The following SPON1 variants were observed in gnomAD, a reference collection of about 807,000 sequenced individuals.
SPON1 encodes spondin-1.
SPON1 carries 52 observed loss-of-function variants against 111.7 expected under a neutral mutation model. The ratio of observed to expected loss-of-function variants is 0.47; its 90% CI spans 0.37 to 0.59. The LOEUF is 0.59. SPON1 is among the 20% of genes least tolerant of loss of function. The pLI is 0.00. For synonymous variants in SPON1, 410 were observed against 395.8 expected, an observed-to-expected ratio of 1.04 and a Z score of -0.43; for missense variants, 957 against 1,068.5, an observed-to-expected ratio of 0.90 and a Z score of 1.46.
chr11:14,173,874 G>T (rs1554932805), intron 6 of SPON1, among the ~76,000 whole-genome samples: 22 of 149,676 alleles, frequency 1.5e-4, no homozygotes, highest in Admixed American at 1.4e-3. Context: ...AGGAGCACCT[G>T]GCCGTGTGAG....
At chr11:14,112,105 A>AG (rs1353002040) in intron 5 of SPON1, among the ~76,000 whole-genome samples, 12 of 150,888 alleles carry the variant, frequency 8.0e-5, no homozygotes, top group African/African-American at 1.7e-4. Flanking sequence ...CAAAATTTGC[A>AG]GGGGAAAAAA....
chr11:14,193,614 C>T (rs1459158469), intron 6 of SPON1, among the ~76,000 whole-genome samples: 2 of 152,164 alleles, frequency 1.3e-5, no homozygotes, highest in Non-Finnish European at 2.9e-5. Context: ...AAGAGGGTCT[C>T]CTTTAGTGTC....
intron 2 of SPON1, among the ~76,000 whole-genome samples, chr11:14,040,557 A>G (rs1170352783): frequency 6.6e-6 from 1 of 152,208 alleles, no homozygotes; most frequent in African/African-American, 2.4e-5. Flanking sequence ...ATGATAAACT[A>G]TGGAGTTTGA....
intron 5 of SPON1, among the ~76,000 whole-genome samples, chr11:14,104,103 C>A: frequency 6.6e-6 from 1 of 151,788 alleles, no homozygotes; most frequent in East Asian, 1.9e-4. Context: ...ATTAGTAGAC[C>A]TTTTTAGTGA....
Position 14,105,723 on chromosome 11 carries a change from C to CT in SPON1, c.676+25705dup. 1.3e-5 allele frequency among the ~76,000 whole-genome samples: 2 copies of CT among 152,174 alleles called. 1 individual carries two copies. The highest frequency in any genetic ancestry group is 1.3e-4 in the Admixed American group (2 of 15,282). On this transcript the variant is annotated intron_variant, in intron 5 of 15. Transcript: ENST00000576479. ...ATGATATGGCTGCTATTTCTGAAAC[C>CT]TTTGCTTCAGACTGTTTTATTCACA...
At chr11:13,978,032 A>G (rs1848115683) in intron 1 of SPON1, among the ~76,000 whole-genome samples, 1 of 151,648 alleles carries the variant, frequency 6.6e-6, no homozygotes, top group Non-Finnish European at 1.5e-5. Flanking sequence ...TTTTGCACCA[A>G]CCTAATACAT....
At chr11:14,257,502 T>G (rs782305519) in intron 10 of SPON1, among the ~76,000 whole-genome samples, 2 of 152,210 alleles carry the variant, frequency 1.3e-5, no homozygotes, top group Non-Finnish European at 2.9e-5. Flanking sequence ...ATAAGAATCA[T>G]TCTGCTTATT....
At chr11:14,078,319 G>GATAA (rs1335472360) in intron 4 of SPON1, among the ~76,000 whole-genome samples, 3 of 152,172 alleles carry the variant, frequency 2.0e-5, no homozygotes. Context: ...AAGCCCTTTT[G>GATAA]ATAAGGCAAA....
At chr11:14,187,038 G>T (rs1187880594) in intron 6 of SPON1, among the ~76,000 whole-genome samples, 2 of 152,312 alleles carry the variant, frequency 1.3e-5, no homozygotes, top group Admixed American at 1.3e-4. Flanking sequence ...TACGAGCACA[G>T]CACTGGCATC....
rs1591342671 is a variant in SPON1 at position 13,990,937 on chromosome 11, A to G, written c.345+7984A>G. Among the ~76,000 whole-genome samples, 2 of 152,268 alleles carry G rather than the reference A, an allele frequency of 1.3e-5. 1 individual carries two copies. Among genetic ancestry groups the G allele is most frequent in the East Asian group, 3.9e-4 (2 of 5,182 alleles). On this transcript the variant is annotated intron_variant, in intron 2 of 15. Transcript: ENST00000576479. ...TGGCTTATAGGGTTTCTGCAGAGAG[A>G]TCTGCTATTAGTCTGATGGGCTTCC...
At chr11:14,041,712 AGGG>A in intron 3 of SPON1, 58 bp downstream of exon 3, 1 of 1,574,210 alleles carries the variant, frequency 6.4e-7, no homozygotes, top group African/African-American at 1.4e-5. Flanking sequence ...GTGTGATTGC[AGGG>A]AAAAAAAAAA....
At chr11:14,202,534 C>T (rs1848475111) in intron 6 of SPON1, among the ~76,000 whole-genome samples, 1 of 152,074 alleles carries the variant, frequency 6.6e-6, no homozygotes, top group African/African-American at 2.4e-5. Flanking sequence ...GCCTTCTGGC[C>T]CAGATTCAGT....
intron 3 of SPON1, among the ~76,000 whole-genome samples, chr11:14,056,611 C>T (rs1554919203): frequency 6.6e-6 from 1 of 152,088 alleles, no homozygotes; most frequent in Admixed American, 6.6e-5. Flanking sequence ...AATATAACAT[C>T]GGCTGGGCAC....
intron 2 of SPON1, among the ~76,000 whole-genome samples, chr11:13,996,134 G>A (rs1848270393): frequency 6.6e-6 from 1 of 151,718 alleles, no homozygotes; most frequent in African/African-American, 2.4e-5. Context: ...TCTTTAACAA[G>A]CACCTAGAGC....
At chr11:14,003,645 AT>A (rs1554912741) in intron 2 of SPON1, among the ~76,000 whole-genome samples, 17 of 152,300 alleles carry the variant, frequency 1.1e-4, no homozygotes, top group African/African-American at 3.8e-4. Context: ...AGGGACCTAC[AT>A]AAGCACTATT....
intron 2 of SPON1, among the ~76,000 whole-genome samples, chr11:14,038,481 C>T (rs1848610585): frequency 6.6e-6 from 1 of 151,800 alleles, no homozygotes; most frequent in Admixed American, 6.6e-5. Flanking sequence ...AAAAACAAAA[C>T]AAAACAAAAC....
At chr11:13,989,957 T>TACTTCC (rs759721458) in intron 2 of SPON1, among the ~76,000 whole-genome samples, 86 of 152,342 alleles carry the variant, frequency 5.6e-4, no homozygotes, top group Non-Finnish European at 1.2e-3. Context: ...AGGAGTGTTT[T>TACTTCC]ACTTCCAATT....
chr11:14,052,450 C>G (rs1323439826), intron 3 of SPON1, among the ~76,000 whole-genome samples: 1 of 152,170 alleles, frequency 6.6e-6, no homozygotes, highest in Non-Finnish European at 1.5e-5. Flanking sequence ...GCAAGAGGAA[C>G]TACAGGCTCC....
intron 1 of SPON1, among the ~76,000 whole-genome samples, chr11:13,981,515 A>T (rs1302184112): frequency 2.6e-5 from 4 of 152,098 alleles, no homozygotes; most frequent in Non-Finnish European, 5.9e-5. Flanking sequence ...TTTAGTAGAG[A>T]CGGGGTTTCA....
Sources: gnomAD v4.1 joint callset for allele counts (sites outside exome capture counted in the v4.1 genomes callset) on GRCh38, gnomAD v4.1.1 for gene constraint, MANE v1.5 for transcripts, NCBI Gene and HGNC (gene_info 2026-07-23, HGNC 2026-07-21) for gene names.